ERRFI1: variants seen among roughly 807,000 people sequenced by gnomAD.
ERRFI1 encodes mitogen-inducible gene 6 protein.
A neutral mutation model predicts 14.6 loss-of-function variants in ERRFI1; 12 were observed. The observed-to-expected ratio is 0.82, with a 90% CI of 0.53 to 1.33. ERRFI1 has a LOEUF of 1.33. ERRFI1 is among the 40% of genes most tolerant of loss of function. The probability of loss-of-function intolerance (pLI) is 0.00; values close to 1 mark genes in which losing one functional copy is unlikely to be tolerated. For missense variants in ERRFI1, 482 were observed against 572.1 expected (o/e 0.84, Z 1.61); for synonymous variants, 202 against 209.9 (o/e 0.96, Z 0.32).
intron 1 of ERRFI1, among the ~76,000 whole-genome samples, chr1:8,017,576 G>T (rs1243780511): frequency 6.6e-6 from 1 of 152,176 alleles, no homozygotes; most frequent in East Asian, 1.9e-4. Flanking sequence ...ACTTAGCCCA[G>T]TGGTTTATCA....
rs749966328 is a variant in ERRFI1, at chr1:8,012,662, T to A, written c.*548A>T. 102 of 229,398 alleles carry A rather than the reference T, an allele frequency of 4.4e-4. No homozygotes were observed. Among genetic ancestry groups the A allele is most frequent in the Non-Finnish European group, 7.0e-4 (81 of 115,814 alleles). The allele number at this position is 229,398 out of a possible 1,614,324, so 14.2% of individuals were successfully genotyped here. A position where few individuals can be genotyped will look rare whatever the true frequency, so the allele number is the denominator to read the frequency against. On this transcript the variant is annotated 3_prime_UTR_variant, in exon 4 of 4. Transcript: ENST00000377482. Reference sequence around the variant, plus strand: ...ATGGTAAAGAATGGATACCCTGCCCTCCATGGAAAAGATTGCCTGCAAAAA... The same window carrying A: ...ATGGTAAAGAATGGATACCCTGCCCACCATGGAAAAGATTGCCTGCAAAAA...
At chr1:8,014,526 C>T (rs1054535650) in intron 3 of ERRFI1, 130 bp from the exon 4 acceptor site, 8 of 804,344 alleles carry the variant, frequency 9.9e-6, no homozygotes, top group East Asian at 7.8e-5. Flanking sequence ...GCTGTCACCC[C>T]GAGAACACCC....
At chr1:8,018,375 G>GTCA (rs1641220400) in intron 1 of ERRFI1, among the ~76,000 whole-genome samples, 4 of 37,334 alleles carry the variant, frequency 1.1e-4, no homozygotes, top group Non-Finnish European at 1.5e-4. Context: ...GCGGGGGGCG[G>GTCA]GGGGGGGGGG....
chr1:8,019,786 A>C (rs1211642357), intron 1 of ERRFI1, among the ~76,000 whole-genome samples: 3 of 152,226 alleles, frequency 2.0e-5, no homozygotes, highest in Non-Finnish European at 4.4e-5. Flanking sequence ...AATTCAAAGA[A>C]GACAGTTTGT....
At position 8,015,540 on chromosome 1, in the gene ERRFI1, C is replaced by A. The variant is rs145113484; in HGVS notation, c.80G>T (p.Gly27Val). 2 of 1,614,136 alleles carry A rather than the reference C, an allele frequency of 1.2e-6. No homozygotes were observed. The highest frequency in any genetic ancestry group is 1.1e-5 in the South Asian group (1 of 91,086). Residue 27 changes from glycine (G) to valine (V), a missense_variant, in exon 2 of 4, where the codon GGG becomes GTG. Transcript: ENST00000377482. ...GCTCCAGTAGGTCTTCCTCATATTCCCCATGGCTCGGCCATTATGTAGAAA... is the reference window on the plus strand; with the variant it reads ...GCTCCAGTAGGTCTTCCTCATATTCACCATGGCTCGGCCATTATGTAGAAA... ...TGFLHNGRAM[G>V]NMRKTYWSSR...
At chr1:8,020,196 T>C (rs1641256174) in intron 1 of ERRFI1, among the ~76,000 whole-genome samples, 1 of 152,152 alleles carries the variant, frequency 6.6e-6, no homozygotes, top group Non-Finnish European at 1.5e-5. Context: ...AGGGGCACAT[T>C]TTTGTCATAC....
intron 1 of ERRFI1, among the ~76,000 whole-genome samples, chr1:8,016,992 G>A (rs749164079): frequency 6.6e-6 from 1 of 151,784 alleles, no homozygotes; most frequent in Non-Finnish European, 1.5e-5. Context: ...CAGGACAGAG[G>A]CTGTGTCTCA....
chr1:8,014,613 CCTCT>C lies in ERRFI1; in HGVS notation c.203-221_203-218del, dbSNP rs1394886310. On this transcript the variant is annotated intron_variant, in intron 3 of 3. Transcript: ENST00000377482. ...GTGTGGTTCAAAGAACAAACTATCT[CCTCT>C]ATCTCCCTTGGACATGTGCACAGCG... 5.5e-6 allele frequency: 3 copies of C among 544,702 alleles called. No individual in the cohort carries two copies. In the African/African-American group the frequency reaches 5.9e-5, roughly 11 times the overall value. The allele number at this position is 544,702 out of a possible 1,614,324, so 33.7% of individuals were successfully genotyped here.
chr1:8,014,898 T>C, intron 3 of ERRFI1: 1 of 208,532 alleles, frequency 4.8e-6, no homozygotes, highest in Non-Finnish European at 9.8e-6. Context: ...GAACAGAATA[T>C]TCACATTAAA....
At chr1:8,022,806 AATTC>A (rs1213154447) in intron 1 of ERRFI1, among the ~76,000 whole-genome samples, 1 of 152,360 alleles carries the variant, frequency 6.6e-6, no homozygotes, top group East Asian at 1.9e-4. Context: ...GGCAAGGATT[AATTC>A]TTTTCACAAA....
intron 1 of ERRFI1, among the ~76,000 whole-genome samples, 197 bp downstream of exon 1, chr1:8,025,961 G>C (rs993486372): frequency 2.0e-5 from 3 of 151,876 alleles, no homozygotes; most frequent in African/African-American, 7.2e-5. Flanking sequence ...ACCTCAATGG[G>C]GAGAAGCCCG....
chr1:8,021,362 T>C (rs933606340), intron 1 of ERRFI1, among the ~76,000 whole-genome samples: 1 of 152,240 alleles, frequency 6.6e-6, no homozygotes, highest in Non-Finnish European at 1.5e-5. Context: ...ACAATTTTAG[T>C]GTGACAGCAG....
chr1:8,011,847 T>G lies in ERRFI1; in HGVS notation c.*1363A>C, dbSNP rs1460135591. On this transcript the variant is annotated 3_prime_UTR_variant, in exon 4 of 4. Transcript: ENST00000377482. ...TAATGCAGAAATCAGTGCATTTTTC[T>G]TAAGCATGTTTTAACCTTCATTTAG... is the stretch of plus-strand genomic sequence containing the variant. The G allele has an allele frequency of 4.6e-6, 1 of 219,518 alleles. No individual in the cohort carries two copies. Among genetic ancestry groups the G allele is most frequent in the East Asian group, 6.7e-5 (1 of 14,852 alleles). 13.6% of individuals were successfully genotyped at this position (219,518 alleles called of 1,614,324 possible). A position where few individuals can be genotyped will look rare whatever the true frequency, so the allele number is the denominator to read the frequency against.
chr1:8,012,863 T>C lies in ERRFI1; in HGVS notation c.*347A>G. The C allele has an allele frequency of 3.5e-6, 1 of 288,160 alleles. No individual in the cohort carries two copies. Among genetic ancestry groups the C allele is most frequent in the Non-Finnish European group, 6.6e-6 (1 of 152,320 alleles). 17.9% of individuals were successfully genotyped at this position (288,160 alleles called of 1,614,324 possible). ...GTTTATTATTCTGAATATATATTAC[T>C]CTACGATAGTAACTAATTGGTTAAC... is the stretch of plus-strand genomic sequence containing the variant. On this transcript the variant is annotated 3_prime_UTR_variant, in exon 4 of 4. Coordinates refer to ENST00000377482, the MANE Select transcript of ERRFI1 (RefSeq NM_018948.4).
chr1:8,020,193 C>A (rs1269432024), intron 1 of ERRFI1, among the ~76,000 whole-genome samples: 1 of 152,038 alleles, frequency 6.6e-6, no homozygotes, highest in Non-Finnish European at 1.5e-5. Context: ...AGGAGGGGCA[C>A]ATTTTTGTCA....
chr1:8,018,310 C>A (rs1056735547), intron 1 of ERRFI1, among the ~76,000 whole-genome samples: 8 of 139,746 alleles, frequency 5.7e-5, no homozygotes, highest in Admixed American at 4.8e-4. Flanking sequence ...GGGTATGAAA[C>A]CACCTGAAAC....
rs1403780772 is a variant in ERRFI1 at position 8,018,380 on chromosome 1, G to T, written c.-73-2688C>A. 3.5e-5 allele frequency among the ~76,000 whole-genome samples: 4 copies of T among 114,324 alleles called. 1 individual carries two copies. Among genetic ancestry groups the T allele is most frequent in the African/African-American group, 1.1e-4 (3 of 28,126 alleles). The allele number at this position is 114,324 out of a possible 152,430, so 75.0% of individuals were successfully genotyped here. On this transcript the variant is annotated intron_variant, in intron 1 of 3. Transcript: ENST00000377482. ...ACAAATGGAAGCGGGGGGCGGGGGG[G>T]GGGGGGGCGCGGAGTAAATAAATCC...
At chr1:8,021,409 T>C (rs1435899905) in intron 1 of ERRFI1, among the ~76,000 whole-genome samples, 1 of 152,216 alleles carries the variant, frequency 6.6e-6, no homozygotes, top group East Asian at 1.9e-4. Flanking sequence ...TTTTGTCCTT[T>C]GTATTTCTCC....
At chr1:8,022,499 T>C (rs1029259261) in intron 1 of ERRFI1, among the ~76,000 whole-genome samples, 2 of 152,238 alleles carry the variant, frequency 1.3e-5, no homozygotes, top group African/African-American at 4.8e-5. Flanking sequence ...AGAATCTCCA[T>C]TTTGCAGATG....
Sources: allele counts gnomAD v4.1 joint callset (sites outside exome capture counted in the v4.1 genomes callset), GRCh38; gene constraint gnomAD v4.1.1; transcripts MANE v1.5; gene names NCBI Gene and HGNC (gene_info 2026-07-23, HGNC 2026-07-21).